GABRG3: variants seen among roughly 807,000 people sequenced by gnomAD.
GABRG3 encodes gamma-aminobutyric acid type A receptor subunit gamma3, also known as gamma-aminobutyric acid receptor subunit gamma-3.
In GABRG3, 25 loss-of-function variants were observed where a neutral mutation model predicts 48.8. The observed-to-expected ratio is 0.51, with a 90% CI of 0.37 to 0.72. GABRG3 has a LOEUF of 0.72. Ranked by LOEUF, GABRG3 falls within the 30% of genes least tolerant of loss-of-function variation. The pLI, the probability that GABRG3 is intolerant of heterozygous loss-of-function variation, is 0.00. For missense variants in GABRG3, 394 were observed against 577.9 expected (o/e 0.68, Z 3.26); for synonymous variants, 227 against 217.6 (o/e 1.04, Z -0.38).
intron 1 of GABRG3, among the ~76,000 whole-genome samples, chr15:26,972,759 C>G (rs1045915972): frequency 2.3e-4 from 35 of 152,122 alleles, no homozygotes; most frequent in Non-Finnish European, 2.9e-4. Flanking sequence ...AAGGGGGCCC[C>G]CAGTTCTCAC....
chr15:27,441,770 C>T (rs1888792600), intron 5 of GABRG3, among the ~76,000 whole-genome samples: 2 of 152,134 alleles, frequency 1.3e-5, no homozygotes, highest in Admixed American at 1.3e-4. Context: ...GAGAAGCAGG[C>T]ATGCCCACAC....
At chr15:27,281,358 GT>G (rs1891427134) in intron 3 of GABRG3, among the ~76,000 whole-genome samples, 1 of 151,354 alleles carries the variant, frequency 6.6e-6, no homozygotes, top group South Asian at 2.1e-4. Context: ...ACCTTTGCCT[GT>G]TTTTCCAGAT....
intron 3 of GABRG3, among the ~76,000 whole-genome samples, chr15:27,150,908 TCAG>T (rs1853961847): frequency 6.6e-6 from 1 of 152,196 alleles, no homozygotes; most frequent in Non-Finnish European, 1.5e-5. Context: ...AGGGAGGAGT[TCAG>T]CAGGGATTTT....
At chr15:27,035,049 G>A (rs1473655186) in intron 3 of GABRG3, among the ~76,000 whole-genome samples, 2 of 152,170 alleles carry the variant, frequency 1.3e-5, no homozygotes, top group Non-Finnish European at 2.9e-5. Flanking sequence ...CTTAGGAGAC[G>A]CCTCTGAGAG....
chr15:27,098,664 G>GTCTAGTAGGACAAGCAAAGTC (rs1298462383), intron 3 of GABRG3, among the ~76,000 whole-genome samples: 6 of 152,106 alleles, frequency 3.9e-5, no homozygotes, highest in African/African-American at 1.4e-4. Flanking sequence ...AGTCTCCTAA[G>GTCTAGTAGGACAAGCAAAGTC]TCTAGTAGGA....
chr15:27,224,985 G>A (rs926240270), intron 3 of GABRG3, among the ~76,000 whole-genome samples: 3 of 152,010 alleles, frequency 2.0e-5, no homozygotes, highest in Non-Finnish European at 4.4e-5. Flanking sequence ...GCCACCCACC[G>A]CCTGGGGTGA....
At chr15:27,046,010 C>T (rs568209449) in intron 3 of GABRG3, among the ~76,000 whole-genome samples, 3 of 152,286 alleles carry the variant, frequency 2.0e-5, no homozygotes, top group South Asian at 2.1e-4. Flanking sequence ...CAGAGAGCTC[C>T]GAGTTCCGAG....
intron 3 of GABRG3, among the ~76,000 whole-genome samples, chr15:27,137,112 C>A (rs1378125858): frequency 6.6e-6 from 1 of 152,208 alleles, no homozygotes; most frequent in African/African-American, 2.4e-5. Flanking sequence ...TGGGCCTTTG[C>A]CTGGGCAGCC....
At chr15:27,461,231 C>G (rs908539322) in intron 5 of GABRG3, among the ~76,000 whole-genome samples, 1 of 152,218 alleles carries the variant, frequency 6.6e-6, no homozygotes, top group African/African-American at 2.4e-5. Flanking sequence ...TGCCTTCATT[C>G]AAGCTGTCAA....
At chr15:27,527,814 G>A (rs1266606220) in intron 8 of GABRG3, 119 bp from the exon 9 acceptor site, 2 of 972,942 alleles carry the variant, frequency 2.1e-6, no homozygotes, top group Non-Finnish European at 3.1e-6. Context: ...GACATCTCTG[G>A]TGTCACCTAC....
At chr15:27,360,429 A>G (rs1002500868) in intron 5 of GABRG3, among the ~76,000 whole-genome samples, 1 of 152,194 alleles carries the variant, frequency 6.6e-6, no homozygotes. Flanking sequence ...TTACCTGGGA[A>G]ACTCATGGGC....
chr15:27,331,954 TA>T (rs201449979), intron 5 of GABRG3, among the ~76,000 whole-genome samples: 5,405 of 146,418 alleles, frequency 0.037, 258 homozygotes, highest in African/African-American at 0.11. Flanking sequence ...ATTATCAAAT[TA>T]AAAAAAAAAA....
At chr15:27,174,579 C>CTCG (rs1479133741) in intron 3 of GABRG3, among the ~76,000 whole-genome samples, 27 of 139,422 alleles carry the variant, frequency 1.9e-4, no homozygotes, top group African/African-American at 8.0e-4. Context: ...CTGCCTCTCT[C>CTCG]TCTCGTCTCT....
At chr15:27,477,416 G>T (rs1045678198) in intron 5 of GABRG3, among the ~76,000 whole-genome samples, 2 of 152,160 alleles carry the variant, frequency 1.3e-5, no homozygotes, top group Non-Finnish European at 2.9e-5. Context: ...TGCAGGGAAG[G>T]GTTGGAGGGA....
intron 3 of GABRG3, among the ~76,000 whole-genome samples, chr15:27,253,925 A>T (rs762746651): frequency 6.6e-6 from 1 of 152,194 alleles, no homozygotes; most frequent in African/African-American, 2.4e-5. Flanking sequence ...GATATTTTAA[A>T]TTTCCTGGTT....
intron 3 of GABRG3, among the ~76,000 whole-genome samples, chr15:27,099,586 C>T (rs1322894744): frequency 6.6e-6 from 1 of 152,084 alleles, no homozygotes; most frequent in South Asian, 2.1e-4. Flanking sequence ...GTGCTGGGGC[C>T]TAGGACTTTA....
chr15:27,441,752 C>T (rs1433546970), intron 5 of GABRG3, among the ~76,000 whole-genome samples: 1 of 152,100 alleles, frequency 6.6e-6, no homozygotes, highest in Non-Finnish European at 1.5e-5. Context: ...GCGCCTTGAC[C>T]TCCTGGGGAG....
intron 5 of GABRG3, among the ~76,000 whole-genome samples, chr15:27,438,864 C>A (rs960816976): frequency 6.6e-6 from 1 of 152,216 alleles, no homozygotes; most frequent in African/African-American, 2.4e-5. Flanking sequence ...GCTTTCTCAG[C>A]CTCACCTGGA....
chr15:27,073,193 AGAG>A (rs1323485909), intron 3 of GABRG3, among the ~76,000 whole-genome samples: 27 of 152,224 alleles, frequency 1.8e-4, no homozygotes, highest in Non-Finnish European at 2.6e-4. Context: ...GAAAGGGAAT[AGAG>A]GAGTTCACAC....
Sources: gnomAD v4.1 joint callset for allele counts (sites outside exome capture counted in the v4.1 genomes callset) on GRCh38, gnomAD v4.1.1 for gene constraint, MANE v1.5 for transcripts, NCBI Gene and HGNC (gene_info 2026-07-23, HGNC 2026-07-21) for gene names.